Variants in CES4A observed in about 807,000 individuals in gnomAD.
The protein encoded by CES4A is carboxylesterase 4A, also known as carboxylesterase 6.
In CES4A, 48 loss-of-function variants were observed where a neutral mutation model predicts 65.4. The ratio of observed to expected loss-of-function variants is 0.73; its 90% CI spans 0.58 to 0.93. The LOEUF is 0.93. Ranked by LOEUF, CES4A falls within the 40% of genes least tolerant of loss-of-function variation. The pLI is 0.00. For synonymous variants in CES4A, 247 were observed against 281.8 expected, an observed-to-expected ratio of 0.88 and a Z score of 1.24; for missense variants, 685 against 728.5, an observed-to-expected ratio of 0.94 and a Z score of 0.69.
chr16:67,004,907 G>T, intron 10 of CES4A, 34 bp downstream of exon 10: 2 of 1,493,322 alleles, frequency 1.3e-6, no homozygotes, highest in South Asian at 1.2e-5. Context: ...TGCTCAGTTC[G>T]GACAGGGTTG....
At chr16:66,999,556 C>A (rs1338466292) in intron 2 of CES4A, among the ~76,000 whole-genome samples, 2 of 152,314 alleles carry the variant, frequency 1.3e-5, no homozygotes, top group East Asian at 3.9e-4. Context: ...AATCCCAGCA[C>A]TTTGGGAGGC....
chr16:66,993,137 G>T (rs1964526172), intron 1 of CES4A, among the ~76,000 whole-genome samples: 1 of 152,174 alleles, frequency 6.6e-6, no homozygotes, highest in Non-Finnish European at 1.5e-5. Context: ...CGGGAAGTCG[G>T]ATTCAACTTG....
At position 67,000,943 on chromosome 16, in the gene CES4A, G is replaced by A. The variant is rs373910801; in HGVS notation, c.489G>A (p.Val163=). Residue 163 remains valine (V), a synonymous_variant, in exon 4 of 14, where the codon GTG becomes GTA. Transcript: ENST00000648724. This position sits in a 1 kb window ranked among gnomAD's most constrained non-coding sequence, Gnocchi z 4.2. The stretch of plus-strand genomic sequence containing the variant: ...CTGACTTGGCCGCCCGCGAGAAAGT[G>A]GTGCTGGTGTTTCTGCAGCACAGGC... 4.8e-5 allele frequency: 77 copies of A among 1,613,356 alleles called. No individual in the cohort carries two copies. The highest frequency in any genetic ancestry group is 6.1e-5 in the Non-Finnish European group (72 of 1,179,680).
rs113906948 is a variant in CES4A, at chr16:66,992,932, C to A, written c.59-2696C>A. ...AACTCCTGACCTCAGGTGATCCACCCGCCTCGGCCTCCCAAAGTTCTGGGC... is the reference window on the plus strand; with the variant it reads ...AACTCCTGACCTCAGGTGATCCACCAGCCTCGGCCTCCCAAAGTTCTGGGC... On this transcript the variant is annotated intron_variant, in intron 1 of 13. Coordinates refer to ENST00000648724, the Ensembl canonical transcript of CES4A. 3.3e-5 allele frequency among the ~76,000 whole-genome samples: 5 copies of A among 152,124 alleles called. No homozygotes were observed. The South Asian group carries it at 1.0e-3, about 32-fold the overall frequency.
rs764378038 is a variant in CES4A at position 67,000,957 on chromosome 16, T to C, written c.503T>C (p.Leu168Pro). The change falls in exon 4 of 14, where the codon CTG becomes CCG. Residue 168 changes from leucine (L) to proline (P), a missense_variant. By Grantham distance (98) the Leu-to-Pro change is moderately conservative. Transcript: ENST00000648724. This position sits in a 1 kb window ranked among gnomAD's most constrained non-coding sequence, Gnocchi z 4.2. Reference sequence around the variant, plus strand: ...CGCGAGAAAGTGGTGCTGGTGTTTCTGCAGCACAGGCTCGGCATCTTCGGC... The same window carrying C: ...CGCGAGAAAGTGGTGCTGGTGTTTCCGCAGCACAGGCTCGGCATCTTCGGC... The C allele has an allele frequency of 1.9e-6, 3 of 1,613,172 alleles. No individual in the cohort carries two copies. Among genetic ancestry groups the C allele is most frequent in the Non-Finnish European group, 2.5e-6 (3 of 1,179,606 alleles).
At chr16:67,007,617 C>CT (rs778737096) in intron 13 of CES4A, 34 of 144,892 alleles carry the variant, frequency 2.3e-4, no homozygotes, top group Middle Eastern at 7.1e-3. Flanking sequence ...CTTTCTTCTT[C>CT]TTTTTTTTTT....
At chr16:66,995,136 A>T (rs933020820) in intron 1 of CES4A, among the ~76,000 whole-genome samples, 1 of 151,796 alleles carries the variant, frequency 6.6e-6, no homozygotes, top group Admixed American at 6.6e-5. Flanking sequence ...ATGGTGAAAC[A>T]CCGCCTCTAC....
At chr16:67,004,279 G>A (rs992099451) in intron 9 of CES4A, 55 bp downstream of exon 9, 2 of 1,595,858 alleles carry the variant, frequency 1.3e-6, no homozygotes, top group Admixed American at 3.4e-5. Flanking sequence ...GTACCATAGT[G>A]GAGGCAGGGA....
chr16:66,996,065 G>T (rs760406984), intron 2 of CES4A: 17 of 619,116 alleles, frequency 2.7e-5, no homozygotes, highest in South Asian at 2.4e-4. Context: ...TTTAGATGGA[G>T]TCTCGCTCTG....
At position 67,001,012 on chromosome 16, in the gene CES4A, G is replaced by C. The variant is rs201559651; in HGVS notation, c.536+22G>C. 1 of 1,610,138 alleles carries C rather than the reference G, an allele frequency of 6.2e-7. No homozygotes were observed. The highest frequency in any genetic ancestry group is 8.5e-7 in the Non-Finnish European group (1 of 1,178,590). ...TGAGGTGGCGGGGCCGGTACCCTTT[G>C]GGACCGCAGCTGTGGCCAGAGCGGC... On this transcript the variant is annotated intron_variant, in intron 4 of 13. Transcript: ENST00000648724. The surrounding 1 kb of genome is among the most constrained non-coding windows in gnomAD (Gnocchi z 4.1).
At chr16:67,004,012 G>T in intron 8 of CES4A, 72 bp from the exon 9 acceptor site, 1 of 1,528,136 alleles carries the variant, frequency 6.5e-7, no homozygotes, top group Non-Finnish European at 9.0e-7. Context: ...GCCTCTGAAG[G>T]GGCACCCAAG....
rs1030544657 is a variant in CES4A, at chr16:67,000,505, A to G, written c.261-133A>G. ...TGGCGGAGGCCTCCTGTACACGCAC[A>G]CGCACGCACATGCGCACGCACACGC... On this transcript the variant is annotated intron_variant, in intron 2 of 13. Coordinates refer to ENST00000648724, the Ensembl canonical transcript of CES4A. The surrounding 1 kb of genome is among the most constrained non-coding windows in gnomAD (Gnocchi z 4.2). 3.5e-6 allele frequency: 5 copies of G among 1,440,316 alleles called. No individual in the cohort carries two copies. The African/African-American group carries it at 5.7e-5, about 17-fold the overall frequency. 89.2% of individuals were successfully genotyped at this position (1,440,316 alleles called of 1,614,324 possible).
At chr16:66,995,437 G>C (rs1964762893) in intron 1 of CES4A, among the ~76,000 whole-genome samples, 191 bp from the exon 2 acceptor site, 6 of 152,224 alleles carry the variant, frequency 3.9e-5, no homozygotes, top group Admixed American at 3.9e-4. Context: ...CAATTGTTAT[G>C]AAAAGCAGCC....
At position 67,001,546 on chromosome 16, in the gene CES4A, C is replaced by A; in HGVS notation, c.690+85C>A. The A allele has an allele frequency of 6.9e-7, 1 of 1,454,738 alleles. No individual in the cohort carries two copies. The highest frequency in any genetic ancestry group is 9.2e-7 in the Non-Finnish European group (1 of 1,081,444). 90.1% of individuals were successfully genotyped at this position (1,454,738 alleles called of 1,614,324 possible). A position where few individuals can be genotyped will look rare whatever the true frequency, so the allele number is the denominator to read the frequency against. The stretch of plus-strand genomic sequence containing the variant: ...TATGCTCCACTGCACAGGCCATGTG[C>A]AGATTTGCGTGTACAGGAACGTGCC... On this transcript the variant is annotated intron_variant, in intron 5 of 13. Transcript: ENST00000648724. The surrounding 1 kb of genome is among the most constrained non-coding windows in gnomAD (Gnocchi z 4.1).
At chr16:66,995,818 C>T (rs1250624291) in exon 2 of CES4A, 25 of 1,613,528 alleles carry the variant, frequency 1.5e-5, no homozygotes, top group Non-Finnish European at 2.1e-5. Context: ...ATGCTACCAC[C>T]TACCCGCCTG....
Position 67,000,941 on chromosome 16 carries a change from G to A in CES4A, c.487G>A (p.Val163Met), listed in dbSNP as rs776317705. ...CTCTGACTTGGCCGCCCGCGAGAAA[G>A]TGGTGCTGGTGTTTCTGCAGCACAG... The change falls in exon 4 of 14, where the codon GTG becomes ATG. Residue 163 changes from valine (V) to methionine (M), a missense_variant. Val to Met is a conservative substitution (Grantham distance 21). Coordinates refer to ENST00000648724, the Ensembl canonical transcript of CES4A. The surrounding 1 kb of genome is among the most constrained non-coding windows in gnomAD (Gnocchi z 4.2). 2.5e-6 allele frequency: 4 copies of A among 1,613,390 alleles called. No individual in the cohort carries two copies. The highest frequency in any genetic ancestry group is 3.4e-6 in the Non-Finnish European group (4 of 1,179,690).
exon 13 of CES4A, chr16:67,006,778 T>C: frequency 1.2e-6 from 2 of 1,614,172 alleles, no homozygotes; most frequent in Middle Eastern, 1.6e-4. Context: ...GCACTTAGCC[T>C]CCAGATGATG....
In CES4A at chr16:67,004,225, G is replaced by A; in HGVS notation, c.1080+1G>A. The A allele has an allele frequency of 1.2e-6, 2 of 1,614,128 alleles. No individual in the cohort carries two copies. Among genetic ancestry groups the A allele is most frequent in the Non-Finnish European group, 1.7e-6 (2 of 1,179,954 alleles). On this transcript the variant is annotated splice_donor_variant, in intron 9 of 13. Coordinates refer to ENST00000648724, the Ensembl canonical transcript of CES4A. LOFTEE classifies it high-confidence loss of function. ...GGAATTCAATTGGCTCTTGCCTTAT[G>A]TAAGTGAGTAGGAGTTCAATTGGCT...
chr16:67,009,222 T>C (rs1377287671), exon 14 of CES4A: 1 of 1,387,612 alleles, frequency 7.2e-7, no homozygotes, highest in Non-Finnish European at 9.8e-7. Context: ...TGGACATACC[T>C]GGGGACAAGA....
Sources: allele counts gnomAD v4.1 joint callset (sites outside exome capture counted in the v4.1 genomes callset), GRCh38; gene constraint gnomAD v4.1.1; non-coding constraint Gnocchi (gnomAD v3.1); transcripts MANE v1.5; gene names NCBI Gene and HGNC (gene_info 2026-07-23, HGNC 2026-07-21).